Variants in AMOTL1 observed in about 807,000 individuals in gnomAD.
The protein encoded by AMOTL1 is angiomotin like 1, also known as angiomotin-like protein 1.
Under a neutral mutation model 102.9 loss-of-function variants are expected in AMOTL1, and 45 were observed. The observed-to-expected ratio is 0.44, with a 90% CI of 0.34 to 0.56. AMOTL1 has a LOEUF of 0.56. Among genes scored for constraint, AMOTL1 ranks in the 20% least tolerant of loss-of-function variants. The pLI, the probability that AMOTL1 is intolerant of heterozygous loss-of-function variation, is 0.01. For synonymous variants in AMOTL1, 481 were observed against 484.7 expected, an observed-to-expected ratio of 0.99 and a Z score of 0.10; for missense variants, 1,114 against 1,225.6, an observed-to-expected ratio of 0.91 and a Z score of 1.36.
At chr11:94,798,171 TCTCTC>T (rs1260600165) in intron 2 of AMOTL1, among the ~76,000 whole-genome samples, 2 of 152,230 alleles carry the variant, frequency 1.3e-5, no homozygotes, top group Non-Finnish European at 2.9e-5. Flanking sequence ...TCTGTGAACA[TCTCTC>T]CTCTTCTGTA....
chr11:94,875,914 A>G lies in AMOTL1; in HGVS notation c.*5119A>G, dbSNP rs1291856280. On this transcript the variant is annotated 3_prime_UTR_variant, in exon 13 of 13. Transcript: ENST00000433060. ...GATATAAGTGCATAATCATTCATAT[A>G]AACATCTGGTAGGTATTCTGTAAAA... The G allele has an allele frequency of 1.3e-5, 2 of 152,618 alleles. No homozygotes were observed. The highest frequency in any genetic ancestry group is 2.4e-5 in the African/African-American group (1 of 41,452). The allele number at this position is 152,618 out of a possible 1,614,324, so 9.5% of individuals were successfully genotyped here.
intron 1 of AMOTL1, among the ~76,000 whole-genome samples, chr11:94,786,446 C>T (rs1951190708): frequency 6.6e-6 from 1 of 152,174 alleles, no homozygotes; most frequent in Non-Finnish European, 1.5e-5. Flanking sequence ...GCAAGGGCCG[C>T]ATTTAGGGCA....
At position 94,847,266 on chromosome 11, in the gene AMOTL1, G is replaced by A. The variant is rs76923561; in HGVS notation, c.1649-2848G>A. On this transcript the variant is annotated intron_variant, in intron 6 of 12. Transcript: ENST00000433060. ...GTCAGTACCAGCCATCTGATGTGTC[G>A]CGGCTTGTAAGCGAGCAGTGGGTTT... is the stretch of plus-strand genomic sequence containing the variant. Among the ~76,000 whole-genome samples, 945 of 152,304 alleles carry A rather than the reference G, an allele frequency of 6.2e-3. 7 individuals are homozygous for A. The highest frequency in any genetic ancestry group is 7.5e-3 in the Non-Finnish European group (511 of 68,020).
At chr11:94,711,109 A>G (rs777201217) in intron 1 of AMOTL1, among the ~76,000 whole-genome samples, 24 of 152,156 alleles carry the variant, frequency 1.6e-4, no homozygotes, top group Non-Finnish European at 3.4e-4. Flanking sequence ...AAATGTGAAT[A>G]TTAAGTTTTC....
chr11:94,862,821 AT>A (rs1952800615), intron 9 of AMOTL1, among the ~76,000 whole-genome samples: 1 of 152,162 alleles, frequency 6.6e-6, no homozygotes, highest in African/African-American at 2.4e-5. Flanking sequence ...TGAATTTATA[AT>A]TTTGCAAATA....
In AMOTL1 at chr11:94,865,967, A is replaced by G; in HGVS notation, c.2287A>G (p.Ile763Val). 4.3e-6 allele frequency: 7 copies of G among 1,613,822 alleles called. No homozygotes were observed. Among genetic ancestry groups the G allele is most frequent in the Non-Finnish European group, 5.9e-6 (7 of 1,179,830 alleles). ...TATTAAAAATCTCCATGCCAAAATCATAGAGAAAGATGCTATGATTAAGGT... is the reference window on the plus strand; with the variant it reads ...TATTAAAAATCTCCATGCCAAAATCGTAGAGAAAGATGCTATGATTAAGGT... ...YTIKNLHAKI[I>V]EKDAMIKVLQ... Residue 763 changes from isoleucine (I) to valine (V), a missense_variant, in exon 11 of 13, where the codon ATA becomes GTA. Ile to Val is a conservative substitution (Grantham distance 29). Transcript: ENST00000433060.
intron 3 of AMOTL1, among the ~76,000 whole-genome samples, chr11:94,817,424 G>T (rs1368173982): frequency 2.0e-5 from 3 of 152,154 alleles, no homozygotes; most frequent in African/African-American, 7.2e-5. Context: ...CTTATTTGAT[G>T]TAATAAAATC....
chr11:94,735,969 T>C (rs1950434198), intron 2 of AMOTL1, among the ~76,000 whole-genome samples: 1 of 152,208 alleles, frequency 6.6e-6, no homozygotes, highest in Non-Finnish European at 1.5e-5. Flanking sequence ...CAACTCACGA[T>C]ATATCATGGC....
intron 1 of AMOTL1, among the ~76,000 whole-genome samples, chr11:94,707,064 T>C (rs1949940226): frequency 6.6e-6 from 1 of 151,714 alleles, no homozygotes; most frequent in Non-Finnish European, 1.5e-5. Flanking sequence ...TTCTCAGGAG[T>C]GTAGCAGGAA....
intron 1 of AMOTL1, among the ~76,000 whole-genome samples, chr11:94,781,795 A>G (rs531107380): frequency 6.6e-6 from 1 of 152,038 alleles, no homozygotes; most frequent in South Asian, 2.1e-4. Context: ...AGATCGTGCC[A>G]CTGCACTCCA....
intron 12 of AMOTL1, among the ~76,000 whole-genome samples, chr11:94,869,947 C>T (rs546413479): frequency 2.7e-4 from 41 of 152,290 alleles, no homozygotes; most frequent in African/African-American, 9.6e-4. Flanking sequence ...TGGCACAGCA[C>T]TTGGGCCAGG....
At chr11:94,733,085 G>A (rs941262382) in intron 2 of AMOTL1, among the ~76,000 whole-genome samples, 1 of 152,218 alleles carries the variant, frequency 6.6e-6, no homozygotes, top group African/African-American at 2.4e-5. Flanking sequence ...CCATTTTGCA[G>A]ATGAGAAAAC....
At chr11:94,816,179 CT>C (rs1469961847) in intron 3 of AMOTL1, among the ~76,000 whole-genome samples, 3 of 152,224 alleles carry the variant, frequency 2.0e-5, no homozygotes, top group Admixed American at 2.0e-4. Flanking sequence ...TTCCTCTCCC[CT>C]TTTAAAAGCC....
intron 3 of AMOTL1, among the ~76,000 whole-genome samples, chr11:94,816,584 T>C (rs142660616): frequency 6.6e-6 from 1 of 152,344 alleles, no homozygotes; most frequent in Non-Finnish European, 1.5e-5. Context: ...TATTAAGTTT[T>C]GGTTTGCTTA....
At chr11:94,767,591 G>C (rs947352027), upstream of AMOTL1, among the ~76,000 whole-genome samples, 1 of 152,210 alleles carries the variant, frequency 6.6e-6, no homozygotes, top group Non-Finnish European at 1.5e-5. Context: ...CCCGGAAAAA[G>C]CCAGGCAGAA....
chr11:94,808,722 A>G (rs1951610863), intron 3 of AMOTL1, among the ~76,000 whole-genome samples: 1 of 152,216 alleles, frequency 6.6e-6, no homozygotes, highest in Non-Finnish European at 1.5e-5. Flanking sequence ...TCACTGTTCA[A>G]TAGAAATGTA....
chr11:94,840,675 TATATATAC>T (rs1160712133), intron 6 of AMOTL1, among the ~76,000 whole-genome samples: 4 of 128,194 alleles, frequency 3.1e-5, no homozygotes, highest in Admixed American at 9.0e-5. Flanking sequence ...TATATATATA[TATATATAC>T]ACACACACAC....
chr11:94,733,927 T>C (rs931474688), intron 2 of AMOTL1, among the ~76,000 whole-genome samples: 1 of 152,252 alleles, frequency 6.6e-6, no homozygotes. Context: ...TTATTTCCTT[T>C]GATATGATAT....
chr11:94,780,678 A>G (rs1023758219), intron 1 of AMOTL1, among the ~76,000 whole-genome samples: 1 of 152,152 alleles, frequency 6.6e-6, no homozygotes, highest in Non-Finnish European at 1.5e-5. Flanking sequence ...AGCACTTCCT[A>G]TGTGCTTGGA....
Sources: gnomAD v4.1 joint callset for allele counts (sites outside exome capture counted in the v4.1 genomes callset) on GRCh38, gnomAD v4.1.1 for gene constraint, MANE v1.5 for transcripts, NCBI Gene and HGNC (gene_info 2026-07-23, HGNC 2026-07-21) for gene names.